The following SLC8A1 variants were observed in gnomAD, a reference collection of about 807,000 sequenced individuals.
The protein encoded by SLC8A1 is solute carrier family 8 member A1.
SLC8A1 carries 18 observed loss-of-function variants against 68.3 expected under a neutral mutation model. The ratio of observed to expected loss-of-function variants is 0.26; its 90% CI spans 0.18 to 0.39. SLC8A1 has a LOEUF of 0.39. Ranked by LOEUF, SLC8A1 falls within the 10% of genes least tolerant of loss-of-function variation. The pLI, the probability that SLC8A1 is intolerant of heterozygous loss-of-function variation, is 1.00. For synonymous variants in SLC8A1, 475 were observed against 415.5 expected, an observed-to-expected ratio of 1.14 and a Z score of -1.74; for missense variants, 985 against 1,156.7, an observed-to-expected ratio of 0.85 and a Z score of 2.15.
At chr2:40,403,507 G>C (rs1484897621) in intron 2 of SLC8A1, among the ~76,000 whole-genome samples, 2 of 152,164 alleles carry the variant, frequency 1.3e-5, no homozygotes, top group South Asian at 2.1e-4. Context: ...GGAGAGCTTA[G>C]GTATTTGCCC....
At chr2:40,113,036 C>T (rs2034758261) in exon 8 of SLC8A1, 2 of 152,244 alleles carry the variant, frequency 1.3e-5, no homozygotes, top group South Asian at 2.1e-4. Context: ...TTCACTTTTA[C>T]TCATGAAAAT....
At chr2:40,450,175 CA>C (rs1313497106) in intron 1 of SLC8A1, among the ~76,000 whole-genome samples, 1 of 152,160 alleles carries the variant, frequency 6.6e-6, no homozygotes, top group Admixed American at 6.5e-5. Context: ...GCAAGTTTAG[CA>C]AACCCAGGGA....
At chr2:40,151,323 G>C (rs2043382523) in intron 6 of SLC8A1, among the ~76,000 whole-genome samples, 1 of 152,090 alleles carries the variant, frequency 6.6e-6, no homozygotes, top group African/African-American at 2.4e-5. Context: ...ATCAGACACA[G>C]TATGATGATG....
intron 2 of SLC8A1, among the ~76,000 whole-genome samples, chr2:40,183,589 G>A (rs1422500396): frequency 6.6e-6 from 1 of 152,144 alleles, no homozygotes; most frequent in Non-Finnish European, 1.5e-5. Flanking sequence ...AGAATCATAG[G>A]CTCCATCCAG....
chr2:40,469,656 A>G (rs900585129), intron 1 of SLC8A1, among the ~76,000 whole-genome samples: 1 of 152,114 alleles, frequency 6.6e-6, no homozygotes, highest in Non-Finnish European at 1.5e-5. Context: ...CAAGTTTCAC[A>G]CATTCTGGAA....
intron 2 of SLC8A1, among the ~76,000 whole-genome samples, chr2:40,335,924 G>C (rs1665830686): frequency 6.6e-6 from 1 of 152,230 alleles, no homozygotes; most frequent in Non-Finnish European, 1.5e-5. Flanking sequence ...TACACTGCTA[G>C]TTGGTATATG....
chr2:40,402,520 A>G (rs1395844510), intron 2 of SLC8A1, among the ~76,000 whole-genome samples: 4 of 152,194 alleles, frequency 2.6e-5, no homozygotes, highest in African/African-American at 9.6e-5. Flanking sequence ...TTCTTGCACA[A>G]GGTCCAAGAA....
At chr2:40,484,220 C>T (rs1704809287) in intron 1 of SLC8A1, among the ~76,000 whole-genome samples, 1 of 152,162 alleles carries the variant, frequency 6.6e-6, no homozygotes, top group South Asian at 2.1e-4. Flanking sequence ...TACAGCTTTT[C>T]CTTTGAGACT....
chr2:40,169,786 C>G (rs1190800957), intron 4 of SLC8A1, among the ~76,000 whole-genome samples: 1 of 151,990 alleles, frequency 6.6e-6, no homozygotes, highest in Non-Finnish European at 1.5e-5. Flanking sequence ...ACAAAAAGTA[C>G]AAAAAGTAGC....
intron 2 of SLC8A1, among the ~76,000 whole-genome samples, chr2:40,329,565 G>A (rs1575451731): frequency 2.6e-5 from 4 of 152,142 alleles, no homozygotes; most frequent in Admixed American, 2.6e-4. Context: ...AAAGAGAAAA[G>A]GATTTAAGTT....
intron 1 of SLC8A1, among the ~76,000 whole-genome samples, chr2:40,497,646 A>T (rs12619139): frequency 0.033 from 5,052 of 152,060 alleles, 461 homozygotes; most frequent in East Asian, 0.32. Flanking sequence ...AGCCACTCTG[A>T]CTAGTTCAGT....
chr2:40,421,265 C>A (rs1695432075), intron 2 of SLC8A1, among the ~76,000 whole-genome samples: 1 of 152,166 alleles, frequency 6.6e-6, no homozygotes, highest in African/African-American at 2.4e-5. Flanking sequence ...CCATGACCAT[C>A]TTCCTCATTT....
Position 40,387,687 on chromosome 2 carries a change from C to T in SLC8A1, c.1808+40786G>A, listed in dbSNP as rs1031168683. On this transcript the variant is annotated intron_variant, in intron 2 of 7. Transcript: ENST00000406785. ...TTGTGGTGGCTCATGCCTGTAATCC[C>T]AAAACATTGAGAAGCCTAGCGGGGT... 3.6e-4 allele frequency among the ~76,000 whole-genome samples: 54 copies of T among 150,260 alleles called. 2 individuals carry two copies. The highest frequency in any genetic ancestry group is 1.3e-3 in the African/African-American group (50 of 39,782).
At chr2:40,275,624 C>A (rs1172663195) in intron 2 of SLC8A1, among the ~76,000 whole-genome samples, 1 of 152,098 alleles carries the variant, frequency 6.6e-6, no homozygotes, top group African/African-American at 2.4e-5. Context: ...CTTGAGTAAC[C>A]CACAGGCCTC....
At chr2:40,314,279 TAAC>T (rs756313383) in intron 2 of SLC8A1, among the ~76,000 whole-genome samples, 24 of 152,112 alleles carry the variant, frequency 1.6e-4, no homozygotes, top group Non-Finnish European at 2.6e-4. Context: ...TTTGTTAGAA[TAAC>T]AACAACAACA....
intron 2 of SLC8A1, among the ~76,000 whole-genome samples, chr2:40,378,294 C>G (rs1261263224): frequency 2.0e-5 from 3 of 152,098 alleles, no homozygotes; most frequent in Non-Finnish European, 4.4e-5. Flanking sequence ...ATCTGAGTAA[C>G]AGCCTGAAGA....
intron 2 of SLC8A1, among the ~76,000 whole-genome samples, chr2:40,389,485 G>C (rs991249815): frequency 6.6e-6 from 1 of 151,876 alleles, no homozygotes; most frequent in African/African-American, 2.4e-5. Flanking sequence ...CTAAGTTTTA[G>C]CAAATAAAAT....
At chr2:40,119,463 T>A (rs918751125) in intron 7 of SLC8A1, among the ~76,000 whole-genome samples, 1 of 152,240 alleles carries the variant, frequency 6.6e-6, no homozygotes, top group African/African-American at 2.4e-5. Flanking sequence ...GCCGCTTTGC[T>A]GCTCAGCACA....
intron 2 of SLC8A1, among the ~76,000 whole-genome samples, chr2:40,200,241 T>TATATAA (rs2054049217): frequency 7.8e-5 from 1 of 12,756 alleles, no homozygotes; most frequent in Non-Finnish European, 2.3e-4. Context: ...TATATATAAA[T>TATATAA]ATATATATAT....
Sources: allele counts gnomAD v4.1 joint callset (sites outside exome capture counted in the v4.1 genomes callset), GRCh38; gene constraint gnomAD v4.1.1; transcripts MANE v1.5; gene names NCBI Gene and HGNC (gene_info 2026-07-23, HGNC 2026-07-21).